The following PRKRA variants were observed in gnomAD, a reference collection of about 807,000 sequenced individuals.
PRKRA encodes protein activator of interferon induced protein kinase EIF2AK2, also known as interferon-inducible double-stranded RNA-dependent protein kinase activator A.
Under a neutral mutation model 32.4 loss-of-function variants are expected in PRKRA, and 22 were observed. The observed-to-expected ratio is 0.68, with a 90% CI of 0.49 to 0.97. PRKRA has a LOEUF of 0.97. PRKRA is among the 50% of genes least tolerant of loss of function. The pLI is 0.00. For missense variants in PRKRA, 319 were observed against 375.6 expected, an observed-to-expected ratio of 0.85 and a Z score of 1.25; for synonymous variants, 139 against 129.8, an observed-to-expected ratio of 1.07 and a Z score of -0.48.
rs935691577 is a variant in PRKRA, at chr2:178,435,993, A to T, written c.784+152T>A. ...CAAGAATGGGACATATCAATTATAT[A>T]TATTACTGGCCTAGTAATTATATAT... On this transcript the variant is annotated intron_variant, in intron 7 of 7. Coordinates refer to ENST00000325748, the MANE Select transcript of PRKRA (RefSeq NM_003690.5). The T allele has an allele frequency of 1.8e-5, 12 of 663,256 alleles. No homozygotes were observed. In the African/African-American group the frequency reaches 2.2e-4, roughly 12 times the overall value. 41.1% of individuals were successfully genotyped at this position (663,256 alleles called of 1,614,324 possible). A position where few individuals can be genotyped will look rare whatever the true frequency, so the allele number is the denominator to read the frequency against.
chr2:178,449,961 C>A, intron 2 of PRKRA: 2 of 517,872 alleles, frequency 3.9e-6, no homozygotes, highest in African/African-American at 1.9e-5. Context: ...CTAAGAAGAA[C>A]CCTAGGAGGA....
At position 178,450,601 on chromosome 2, in the gene PRKRA, C is replaced by A. The variant is rs1454047293; in HGVS notation, c.66-190G>T. 2.7e-6 allele frequency: 4 copies of A among 1,478,948 alleles called. No homozygotes were observed. In the East Asian group the frequency reaches 7.3e-5, roughly 27 times the overall value. 91.6% of individuals were successfully genotyped at this position (1,478,948 alleles called of 1,614,324 possible). On this transcript the variant is annotated intron_variant, in intron 1 of 7. Transcript: ENST00000325748. ...CGCTGCGGCAGTCACTCCGCAGGAG[C>A]AGGCGGGGTGAGCGAGGTCTTTAGA... is the stretch of plus-strand genomic sequence containing the variant.
At chr2:178,437,881 T>A (rs1298715398) in intron 6 of PRKRA, among the ~76,000 whole-genome samples, 4 of 152,224 alleles carry the variant, frequency 2.6e-5, no homozygotes, top group Non-Finnish European at 5.9e-5. Context: ...TTAAATTTTC[T>A]CTTTTTTAAG....
At chr2:178,444,328 C>T in intron 4 of PRKRA, 94 bp downstream of exon 4, 1 of 842,900 alleles carries the variant, frequency 1.2e-6, no homozygotes, top group East Asian at 4.5e-5. Flanking sequence ...ATATCACTAT[C>T]TTGTCTTTAA....
At position 178,447,556 on chromosome 2, in the gene PRKRA, T is replaced by C. The variant is rs372348526; in HGVS notation, c.266A>G (p.His89Arg). 1.2e-5 allele frequency: 20 copies of C among 1,614,060 alleles called. No individual in the cohort carries two copies. Among genetic ancestry groups the C allele is most frequent in the Non-Finnish European group, 1.7e-5 (20 of 1,180,006 alleles). Residue 89 changes from histidine (H) to arginine (R), a missense_variant, in exon 3 of 8, where the codon CAT (histidine) becomes CGT (arginine). Coordinates refer to ENST00000325748, the MANE Select transcript of PRKRA (RefSeq NM_003690.5). ...GTTTATGGCAGCCTCTGCAGCTCTA[T>C]GTTTCGCCAGCTTCTTACTTGTACC... ...GEGTSKKLAK[H>R]RAAEAAINIL...
At chr2:178,446,881 T>C (rs1433855726) in intron 3 of PRKRA, among the ~76,000 whole-genome samples, 1 of 149,212 alleles carries the variant, frequency 6.7e-6, no homozygotes, top group Non-Finnish European at 1.5e-5. Context: ...TAGTCCCAGC[T>C]ACTTGGGAGG....
intron 3 of PRKRA, 33 bp from the exon 4 acceptor site, chr2:178,444,533 A>G: frequency 2.8e-6 from 2 of 717,576 alleles, no homozygotes; most frequent in Non-Finnish European, 4.1e-6. Flanking sequence ...ATAAAACAAA[A>G]TAATTTCCCC....
intron 5 of PRKRA, 50 bp downstream of exon 5, chr2:178,443,217 T>A: frequency 9.8e-7 from 1 of 1,019,376 alleles, no homozygotes; most frequent in Non-Finnish European, 1.4e-6. Flanking sequence ...TCGATAGTCA[T>A]TCATCATCTG....
In PRKRA at chr2:178,441,680, G is replaced by A; in HGVS notation, c.539C>T (p.Ala180Val). The change falls in exon 6 of 8, where the codon GCC (alanine) becomes GTC (valine). Residue 180 changes from alanine (A) to valine (V), a missense_variant. Coordinates refer to ENST00000325748, the MANE Select transcript of PRKRA (RefSeq NM_003690.5). ...ETGKGASKKQAKRNAAEKFLA... is the reference protein window; with the variant it reads ...ETGKGASKKQVKRNAAEKFLA... ...AAATTTCTCAGCAGCATTCCTTTTG[G>A]CTTGCTTTTTTGATGCCCCCTTTCC... is the stretch of plus-strand genomic sequence containing the variant. The A allele has an allele frequency of 1.2e-6, 2 of 1,612,348 alleles. No homozygotes were observed. The highest frequency in any genetic ancestry group is 1.7e-6 in the Non-Finnish European group (2 of 1,178,474).
At position 178,447,605 on chromosome 2, in the gene PRKRA, A is replaced by ACTCTG; in HGVS notation, c.236-20_236-19insCAGAG. 1.3e-6 allele frequency: 1 copy of ACTCTG among 798,584 alleles called. No homozygotes were observed. The highest frequency in any genetic ancestry group is 1.8e-6 in the Non-Finnish European group (1 of 554,240). 49.5% of individuals were successfully genotyped at this position (798,584 alleles called of 1,614,324 possible). A position where few individuals can be genotyped will look rare whatever the true frequency, so the allele number is the denominator to read the frequency against. On this transcript the variant is annotated intron_variant, in intron 2 of 7. Coordinates refer to ENST00000325748, the MANE Select transcript of PRKRA (RefSeq NM_003690.5). ...CCTTCACCTGAATTAAGATTTAAAA[A>ACTCTG]AAGAAGTCTTTATCTCCCACAAAAA... is the stretch of plus-strand genomic sequence containing the variant.
chr2:178,450,248 A>T lies in PRKRA; in HGVS notation c.229T>A (p.Cys77Ser). The change falls in exon 2 of 8, where the codon TGC becomes AGC. Residue 77 changes from cysteine to serine, a missense_variant. Physicochemically the swap from Cys to Ser is moderately radical, Grantham distance 112. Transcript: ENST00000325748. ...TFRVTVGDIT[C>S]TGEGTSKKLA... ...GTTAACTGTGTATACAGACCTGTGC[A>T]GGTTATGTCACCAACGGTTACTCTG... 1 of 1,614,272 alleles carries T rather than the reference A, an allele frequency of 6.2e-7. No individual in the cohort carries two copies. The highest frequency in any genetic ancestry group is 8.5e-7 in the Non-Finnish European group (1 of 1,180,054).
chr2:178,450,168 T>C, intron 2 of PRKRA, 74 bp downstream of exon 2: 1 of 1,587,200 alleles, frequency 6.3e-7, no homozygotes, highest in South Asian at 1.1e-5. Flanking sequence ...AAGAGAACTT[T>C]TCCGAACTGA....
intron 5 of PRKRA, 53 bp from the exon 6 acceptor site, chr2:178,441,757 A>G (rs1697123554): frequency 7.1e-7 from 1 of 1,406,336 alleles, no homozygotes; most frequent in Non-Finnish European, 1.0e-6. Context: ...GTGTCCACAG[A>G]GGATGATCAA....
intron 3 of PRKRA, among the ~76,000 whole-genome samples, chr2:178,446,986 C>T (rs934029977): frequency 7.9e-6 from 1 of 126,492 alleles, no homozygotes; most frequent in African/African-American, 3.2e-5. Flanking sequence ...GAGCGAGACT[C>T]CGTCTCAAAA....
chr2:178,434,789 G>A (rs921933694), intron 7 of PRKRA, among the ~76,000 whole-genome samples: 1 of 152,012 alleles, frequency 6.6e-6, no homozygotes, highest in African/African-American at 2.4e-5. Flanking sequence ...ATCTTTCTGT[G>A]GTTGGATAGG....
chr2:178,442,032 CCCA>C (rs200873103), intron 5 of PRKRA, among the ~76,000 whole-genome samples: 4,289 of 151,936 alleles, frequency 0.028, 84 homozygotes, highest in Non-Finnish European at 0.041. Context: ...ATTACAGGTG[CCCA>C]CCACCACACC....
intron 6 of PRKRA, among the ~76,000 whole-genome samples, chr2:178,436,770 A>T (rs1161337050): frequency 2.0e-5 from 3 of 152,126 alleles, no homozygotes; most frequent in East Asian, 3.8e-4. Context: ...AGGAAAAAAA[A>T]CAGAAAAAAA....
Position 178,450,959 on chromosome 2 carries a change from C to T in PRKRA, c.65+7G>A, listed in dbSNP as rs1393672825. The stretch of plus-strand genomic sequence containing the variant: ...GGCCCTGGGGCCCTGACTGCCCGCA[C>T]GCTGACCTGAAGGTCCCACTGTCCT... On this transcript the variant is annotated splice_region_variant and intron_variant, in intron 1 of 7. Coordinates refer to ENST00000325748, the MANE Select transcript of PRKRA (RefSeq NM_003690.5). The T allele has an allele frequency of 7.7e-6, 12 of 1,559,872 alleles. No homozygotes were observed. The South Asian group carries it at 9.3e-5, about 12-fold the overall frequency.
chr2:178,444,868 T>C (rs908483602), intron 3 of PRKRA, among the ~76,000 whole-genome samples: 9 of 152,216 alleles, frequency 5.9e-5, no homozygotes, highest in African/African-American at 2.2e-4. Context: ...AGTAAGCTCC[T>C]TGAGGTAGGG....
Sources: gnomAD v4.1 joint callset for allele counts (sites outside exome capture counted in the v4.1 genomes callset) on GRCh38, gnomAD v4.1.1 for gene constraint, MANE v1.5 for transcripts, NCBI Gene and HGNC (gene_info 2026-07-23, HGNC 2026-07-21) for gene names.